KDM6B: variants seen among roughly 807,000 people sequenced by gnomAD.
KDM6B encodes the protein lysine-specific demethylase 6B.
Under a neutral mutation model 150.4 loss-of-function variants are expected in KDM6B, and 22 were observed. That is an observed-to-expected ratio of 0.15 (90% confidence interval 0.10 to 0.21). The LOEUF is 0.21. Ranked by LOEUF, KDM6B falls within the 10% of genes least tolerant of loss-of-function variation. The pLI is 1.00. For missense variants in KDM6B, 1,984 were observed against 2,234.3 expected (o/e 0.89, Z 2.26); for synonymous variants, 1,148 against 921.1 (o/e 1.25, Z -4.46).
At chr17:7,849,778 A>G (rs2151378365) in intron 12 of KDM6B, 43 bp from the exon 13 acceptor site, 2 of 1,612,660 alleles carry the variant, frequency 1.2e-6, no homozygotes, top group African/African-American at 1.3e-5. Flanking sequence ...CCCTTCCCCC[A>G]TCACCCTGAT....
rs2151377693 is a variant in KDM6B, at chr17:7,848,683, A to C, written c.2395A>C (p.Ser799Arg). ...QPQPPPPPPP[S>R]PASLLKSLAS... ...ACAGCCACCACCACCCCCACCCCCC[A>C]GCCCGGCCAGCCTGCTCAAATCCTT... The change falls in exon 12 of 24, where the codon AGC becomes CGC. Residue 799 changes from serine to arginine, a missense_variant. Physicochemically the swap from Ser to Arg is moderately radical, Grantham distance 110. Transcript: ENST00000448097. The C allele has an allele frequency of 6.2e-7, 1 of 1,607,790 alleles. No individual in the cohort carries two copies.
At chr17:7,841,298 G>A (rs1281284407) in intron 2 of KDM6B, among the ~76,000 whole-genome samples, 1 of 152,242 alleles carries the variant, frequency 6.6e-6, no homozygotes, top group African/African-American at 2.4e-5. Flanking sequence ...GACAGAACTT[G>A]ATTGAAGGCA....
chr17:7,844,689 A>T lies in KDM6B; in HGVS notation c.-268-212A>T, dbSNP rs1199427170. ...CGCCGGCCCCCACGCCGGCCGGAGC[A>T]TGCGACTAACCGGCCTCATCCGCAT... On this transcript the variant is annotated intron_variant, in intron 2 of 23. Coordinates refer to ENST00000448097, the MANE Select transcript of KDM6B (RefSeq NM_001348716.2). This position sits in a 1 kb window ranked among gnomAD's most constrained non-coding sequence, Gnocchi z 5.9. Among the ~76,000 whole-genome samples, 2 of 152,124 alleles carry T rather than the reference A, an allele frequency of 1.3e-5. No homozygotes were observed.
In KDM6B at chr17:7,845,562, G is replaced by A. The variant is rs752757203; in HGVS notation, c.8G>A (p.Arg3Gln). Residue 3 changes from arginine (R) to glutamine (Q), a missense_variant, in exon 5 of 24, where the codon CGG (arginine) becomes CAG (glutamine). Physicochemically the swap from Arg to Gln is conservative, Grantham distance 43. Coordinates refer to ENST00000448097, the MANE Select transcript of KDM6B (RefSeq NM_001348716.2). MH[R>Q]AVDPPGARAA... ...ATCCCCAACTCAGGCTGGATGCATC[G>A]GGCAGTGGACCCTCCAGGGGCCCGC... 2 of 1,614,142 alleles carry A rather than the reference G, an allele frequency of 1.2e-6. No homozygotes were observed. The highest frequency in any genetic ancestry group is 1.7e-6 in the Non-Finnish European group (2 of 1,180,026).
chr17:7,850,910 C>A, intron 14 of KDM6B, 111 bp from the exon 15 acceptor site: 1 of 1,006,480 alleles, frequency 9.9e-7, no homozygotes, highest in Non-Finnish European at 1.5e-6. Context: ...CTCTGCTAAA[C>A]CTATGACCAC....
intron 2 of KDM6B, among the ~76,000 whole-genome samples, chr17:7,840,889 G>C (rs947947166): frequency 6.6e-6 from 1 of 152,168 alleles, no homozygotes; most frequent in Non-Finnish European, 1.5e-5. Context: ...TCTAGAGGAC[G>C]TGAGACATTG....
In KDM6B at chr17:7,849,853, C is replaced by G; in HGVS notation, c.3473C>G (p.Ser1158Cys). 1 of 1,613,310 alleles carries G rather than the reference C, an allele frequency of 6.2e-7. No individual in the cohort carries two copies. Among genetic ancestry groups the G allele is most frequent in the South Asian group, 1.1e-5 (1 of 91,086 alleles). The change falls in exon 13 of 24, where the codon TCC becomes TGC. Residue 1158 changes from serine (S) to cysteine (C), a missense_variant. Physicochemically the swap from Ser to Cys is moderately radical, Grantham distance 112 (BLOSUM62 -1). Around this residue, in one of 13 missense-constraint regions of KDM6B, gnomAD observed 1,379 missense variants for 1,275.6 expected, o/e 1.08. Transcript: ENST00000448097. ...AAGGTGAAAGGGAAGTTTCGAGAGT[C>G]CTACCTTTCCCCTGCCCAGTCTGTG... The part of the protein sequence containing the change: ...NAKVKGKFRE[S>C]YLSPAQSVKP...
Position 7,848,409 on chromosome 17 carries a change from C to A in KDM6B, c.2121C>A (p.Arg707=). ...TGAAGATGCTGGACGAATCCATTCG[C>A]AAGGAAGAGGAACAGCAACAACACG... The part of the protein sequence containing the change: ...NIMKMLDESI[R]KEEEQQQHEA... The change falls in exon 12 of 24, where the codon CGC becomes CGA. Residue 707 remains arginine (R), a synonymous_variant. Coordinates refer to ENST00000448097, the MANE Select transcript of KDM6B (RefSeq NM_001348716.2). 1 of 1,613,108 alleles carries A rather than the reference C, an allele frequency of 6.2e-7. No individual in the cohort carries two copies. The highest frequency in any genetic ancestry group is 1.1e-5 in the South Asian group (1 of 91,086).
At chr17:7,846,371 G>GGGGGGGCCCCCCCC in intron 7 of KDM6B, 29 bp from the exon 8 acceptor site, 1 of 1,488,896 alleles carries the variant, frequency 6.7e-7, no homozygotes, top group Non-Finnish European at 9.2e-7. Context: ...CCTGACATCT[G>GGGGGGGCCCCCCCC]CCCCTGCCCC....
At chr17:7,840,875 A>T (rs4791840) in intron 2 of KDM6B, among the ~76,000 whole-genome samples, 2 of 151,962 alleles carry the variant, frequency 1.3e-5, no homozygotes. Flanking sequence ...CTCCTACTTT[A>T]TCCTCTAGAG....
Position 7,849,079 on chromosome 17 carries a change from A to C in KDM6B, c.2791A>C (p.Ser931Arg). The C allele has an allele frequency of 6.2e-7, 1 of 1,611,586 alleles. No homozygotes were observed. Among genetic ancestry groups the C allele is most frequent in the African/African-American group, 1.3e-5 (1 of 74,694 alleles). ...CETLVERVGR[S>R]ATDPADPVDT... ...GACCCTTGTGGAGCGGGTGGGCCGGAGTGCCACTGACCCAGCCGACCCAGT... is the reference window on the plus strand; with the variant it reads ...GACCCTTGTGGAGCGGGTGGGCCGGCGTGCCACTGACCCAGCCGACCCAGT... The change falls in exon 12 of 24, where the codon AGT becomes CGT. Residue 931 changes from serine (S) to arginine (R), a missense_variant. Physicochemically the swap from Ser to Arg is moderately radical, Grantham distance 110. Coordinates refer to ENST00000448097, the MANE Select transcript of KDM6B (RefSeq NM_001348716.2).
At position 7,848,302 on chromosome 17, in the gene KDM6B, G is replaced by T; in HGVS notation, c.2014G>T (p.Asp672Tyr). ...ELPARGPRLF[D>Y]FPPTPLEDQF... is the part of the protein sequence containing the mutation. ...GCCTGCCCGAGGCCCTCGACTCTTT[G>T]ATTTTCCCCCCACTCCGCTGGAGGA... The change falls in exon 12 of 24, where the codon GAT becomes TAT. Residue 672 changes from aspartate (D) to tyrosine (Y), a missense_variant. Around this residue, in one of 13 missense-constraint regions of KDM6B, gnomAD observed 1,379 missense variants for 1,275.6 expected, o/e 1.08. Coordinates refer to ENST00000448097, the MANE Select transcript of KDM6B (RefSeq NM_001348716.2). 2 of 1,612,222 alleles carry T rather than the reference G, an allele frequency of 1.2e-6. No individual in the cohort carries two copies. The highest frequency in any genetic ancestry group is 8.5e-7 in the Non-Finnish European group (1 of 1,179,840).
intron 18 of KDM6B, 64 bp downstream of exon 18, chr17:7,851,860 C>G (rs534877861): frequency 5.7e-6 from 9 of 1,572,136 alleles, no homozygotes; most frequent in Non-Finnish European, 7.8e-6. Context: ...CGGCGGCGCT[C>G]AGCCGTCAGC....
In KDM6B at chr17:7,846,258, C is replaced by G; in HGVS notation, c.417C>G (p.Ser139Arg). Reference sequence around the variant, plus strand: ...ACAGCGCCCTTCGATACGGAGGAAGCTTCGCTGAGCTGGGGCCCCGCATTG... The same window carrying G: ...ACAGCGCCCTTCGATACGGAGGAAGGTTCGCTGAGCTGGGGCCCCGCATTG... ...CYHSALRYGG[S>R]FAELGPRIGR... Residue 139 changes from serine to arginine, a missense_variant, in exon 7 of 24, where the codon AGC becomes AGG. This residue lies in a region of KDM6B where 337 missense variants were observed against 323.9 expected (regional missense o/e 1.04). Transcript: ENST00000448097. The G allele has an allele frequency of 6.2e-6, 10 of 1,613,872 alleles. No individual in the cohort carries two copies. Among genetic ancestry groups the G allele is most frequent in the East Asian group, 2.2e-5 (1 of 44,876 alleles).
At chr17:7,850,239 T>C in intron 14 of KDM6B, 62 bp downstream of exon 14, 4 of 1,344,158 alleles carry the variant, frequency 3.0e-6, no homozygotes, top group Non-Finnish European at 4.2e-6. Flanking sequence ...TGTAGGACCC[T>C]CTGAGAAATC....
intron 2 of KDM6B, among the ~76,000 whole-genome samples, chr17:7,842,557 T>G (rs2078439276): frequency 6.6e-6 from 1 of 152,124 alleles, no homozygotes; most frequent in African/African-American, 2.4e-5. Flanking sequence ...GGGCTATTCT[T>G]GCCCCAGAGC....
Position 7,850,898 on chromosome 17 carries a change from A to G in KDM6B, c.3674-123A>G, listed in dbSNP as rs2078678773. 3.1e-5 allele frequency: 27 copies of G among 871,228 alleles called. No individual in the cohort carries two copies. In the South Asian group the frequency reaches 3.7e-4, roughly 12 times the overall value. 54.0% of individuals were successfully genotyped at this position (871,228 alleles called of 1,614,324 possible). Reference sequence around the variant, plus strand: ...GCTCCTGCCTATTTCTTCTGGGCTGAGCTCTGCTAAACCTATGACCACCCT... The same window carrying G: ...GCTCCTGCCTATTTCTTCTGGGCTGGGCTCTGCTAAACCTATGACCACCCT... On this transcript the variant is annotated intron_variant, in intron 14 of 23. Coordinates refer to ENST00000448097, the MANE Select transcript of KDM6B (RefSeq NM_001348716.2).
chr17:7,852,681 CCTTTT>C (rs1302821179), intron 21 of KDM6B, 45 bp downstream of exon 21: 2 of 1,612,288 alleles, frequency 1.2e-6, no homozygotes, highest in Admixed American at 1.7e-5. Context: ...CTGACTGGTC[CCTTTT>C]CTTGTTCTTC....
At chr17:7,852,879 C>A (rs1220417151) in intron 21 of KDM6B, 121 bp from the exon 22 acceptor site, 76 of 1,401,628 alleles carry the variant, frequency 5.4e-5, no homozygotes, top group Non-Finnish European at 7.2e-5. Context: ...GTGACCTAGA[C>A]ATGAAGCGGG....
Sources: gnomAD v4.1 joint callset for allele counts (sites outside exome capture counted in the v4.1 genomes callset) on GRCh38, gnomAD v4.1.1 for gene constraint, gnomAD v4.1.1 regional missense constraint, Gnocchi (gnomAD v3.1) non-coding constraint, MANE v1.5 for transcripts, NCBI Gene and HGNC (gene_info 2026-07-23, HGNC 2026-07-21) for gene names.